The following ANKS1B variants were observed in gnomAD, a reference collection of about 807,000 sequenced individuals.
ANKS1B encodes the protein ankyrin repeat and sterile alpha motif domain containing 1B.
In ANKS1B, 36 loss-of-function variants were observed where a neutral mutation model predicts 148.3. The ratio of observed to expected loss-of-function variants is 0.24; its 90% CI spans 0.19 to 0.32. The LOEUF is 0.32. ANKS1B is among the 10% of genes least tolerant of loss of function. The pLI is 1.00. For synonymous variants in ANKS1B, 542 were observed against 560.8 expected, an observed-to-expected ratio of 0.97 and a Z score of 0.47; for missense variants, 1,157 against 1,542.6, an observed-to-expected ratio of 0.75 and a Z score of 4.19.
At chr12:99,519,348 C>T (rs1333869859) in intron 9 of ANKS1B, among the ~76,000 whole-genome samples, 1 of 152,026 alleles carries the variant, frequency 6.6e-6, no homozygotes, top group Non-Finnish European at 1.5e-5. Flanking sequence ...TGTATTAAGG[C>T]CTATCTGTCT....
intron 1 of ANKS1B, among the ~76,000 whole-genome samples, chr12:99,832,386 G>A (rs1009481128): frequency 5.9e-5 from 9 of 152,072 alleles, no homozygotes; most frequent in East Asian, 1.9e-4. Context: ...TCAGGAGATC[G>A]AGACCAGCCT....
At chr12:98,934,629 T>G (rs2099816775) in intron 17 of ANKS1B, among the ~76,000 whole-genome samples, 1 of 152,126 alleles carries the variant, frequency 6.6e-6, no homozygotes, top group South Asian at 2.1e-4. Flanking sequence ...TGTTTGTTTC[T>G]TGTTTTATTT....
intron 1 of ANKS1B, among the ~76,000 whole-genome samples, chr12:99,958,759 T>C (rs1460352488): frequency 6.6e-6 from 1 of 152,110 alleles, no homozygotes; most frequent in East Asian, 1.9e-4. Context: ...GAAGGACTGT[T>C]ATTGGAAGTG....
At chr12:99,536,875 C>G (rs563832437) in intron 9 of ANKS1B, among the ~76,000 whole-genome samples, 11 of 152,192 alleles carry the variant, frequency 7.2e-5, no homozygotes, top group Middle Eastern at 3.4e-3. Context: ...TACTTTTGTA[C>G]CCATTAACCC....
At chr12:99,859,352 TG>T (rs2089687889) in intron 1 of ANKS1B, among the ~76,000 whole-genome samples, 1 of 152,222 alleles carries the variant, frequency 6.6e-6, no homozygotes, top group Admixed American at 6.5e-5. Context: ...GCAAATCCAC[TG>T]AGTGGTGTTC....
At chr12:99,928,460 A>G (rs1603462574) in intron 1 of ANKS1B, among the ~76,000 whole-genome samples, 1 of 151,074 alleles carries the variant, frequency 6.6e-6, no homozygotes, top group African/African-American at 2.4e-5. Flanking sequence ...TTGTATTTTT[A>G]GTAGAGACGG....
chr12:99,203,082 C>A (rs971568117), intron 14 of ANKS1B, among the ~76,000 whole-genome samples: 1 of 152,218 alleles, frequency 6.6e-6, no homozygotes, highest in African/African-American at 2.4e-5. Context: ...GGAAACCACA[C>A]AGGAATGTGA....
chr12:99,358,544 T>C (rs1199686213), intron 12 of ANKS1B, among the ~76,000 whole-genome samples: 2 of 152,046 alleles, frequency 1.3e-5, no homozygotes, highest in East Asian at 1.9e-4. Context: ...TCATATTTAG[T>C]AGGGTCTTTA....
chr12:99,154,965 C>T (rs2075832597), intron 14 of ANKS1B: 5 of 1,535,326 alleles, frequency 3.3e-6, no homozygotes, highest in Non-Finnish European at 4.4e-6. Flanking sequence ...CTTCCTCCTA[C>T]ACACCCATCC....
At chr12:99,637,915 A>G (rs2098257193) in intron 9 of ANKS1B, among the ~76,000 whole-genome samples, 1 of 151,798 alleles carries the variant, frequency 6.6e-6, no homozygotes, top group Non-Finnish European at 1.5e-5. Context: ...CCCTCTAGAC[A>G]ACCCTAATAC....
rs1196013915 is a variant in ANKS1B at position 99,894,329 on chromosome 12, G to GAGGGAGGGAGGA, written c.135-68941_135-68940insTCCTCCCTCCCT. Reference sequence around the variant, plus strand: ...GGAGGGAGGGAGGGAGGGAGGGAGGGAAAGAAAAGAAAAGAAAAGAAAAAA... The same window carrying GAGGGAGGGAGGA: ...GGAGGGAGGGAGGGAGGGAGGGAGGGAGGGAGGGAGGAAAAGAAAAGAAAAGAAAAGAAAAAA... On this transcript the variant is annotated intron_variant, in intron 1 of 26. Transcript: ENST00000683438. 4.5e-4 allele frequency among the ~76,000 whole-genome samples: 35 copies of GAGGGAGGGAGGA among 78,110 alleles called. 1 individual carries two copies. The highest frequency in any genetic ancestry group is 9.1e-4 in the African/African-American group (18 of 19,712). The allele number at this position is 78,110 out of a possible 152,430, so 51.2% of individuals were successfully genotyped here. A position where few individuals can be genotyped will look rare whatever the true frequency, so the allele number is the denominator to read the frequency against.
rs182617447 is a variant in ANKS1B at position 99,272,941 on chromosome 12, G to A, written c.1757-26077C>T. On this transcript the variant is annotated intron_variant, in intron 12 of 26. Coordinates refer to ENST00000683438, the MANE Select transcript of ANKS1B (RefSeq NM_001352186.2). ...ATTACTGACCCTACCAATATCTCTG[G>A]ATCATGCTACATTTGGAGAATAATA... Among the ~76,000 whole-genome samples the A allele has an allele frequency of 2.0e-3, 298 of 152,166 alleles. 2 individuals are homozygous for A. Among genetic ancestry groups the A allele is most frequent in the African/African-American group, 6.9e-3 (287 of 41,484 alleles).
intron 8 of ANKS1B, among the ~76,000 whole-genome samples, chr12:99,740,246 A>C (rs2059964938): frequency 6.6e-6 from 1 of 152,110 alleles, no homozygotes; most frequent in Non-Finnish European, 1.5e-5. Flanking sequence ...GGAAGTTGAA[A>C]CTAGAGTGAT....
At chr12:99,808,537 CCTT>C (rs923859592) in intron 3 of ANKS1B, among the ~76,000 whole-genome samples, 1 of 152,024 alleles carries the variant, frequency 6.6e-6, no homozygotes, top group African/African-American at 2.4e-5. Flanking sequence ...TGTCAGGAGT[CCTT>C]CTTTACTTGG....
At chr12:99,559,798 G>GGT (rs948570426) in intron 9 of ANKS1B, among the ~76,000 whole-genome samples, 1 of 152,124 alleles carries the variant, frequency 6.6e-6, no homozygotes, top group Admixed American at 6.5e-5. Context: ...CTCTGTGGAT[G>GGT]GTGAAGATAA....
chr12:99,137,320 A>G (rs2068470490), intron 15 of ANKS1B, among the ~76,000 whole-genome samples: 2 of 152,188 alleles, frequency 1.3e-5, no homozygotes, highest in African/African-American at 4.8e-5. Flanking sequence ...AGGCCTTGTC[A>G]GGCAGCACAG....
intron 17 of ANKS1B, among the ~76,000 whole-genome samples, chr12:98,879,679 T>C (rs1343894988): frequency 6.6e-6 from 1 of 152,158 alleles, no homozygotes; most frequent in Non-Finnish European, 1.5e-5. Context: ...TCTTTGACAG[T>C]GTCTGCAAGT....
chr12:99,457,022 T>A (rs1318356107), intron 10 of ANKS1B, among the ~76,000 whole-genome samples: 2 of 152,148 alleles, frequency 1.3e-5, no homozygotes, highest in African/African-American at 4.8e-5. Context: ...AAGCATCAGA[T>A]AACCTATAAA....
At chr12:99,040,269 CGTGTGCGTGTGT>C (rs930234709) in intron 17 of ANKS1B, among the ~76,000 whole-genome samples, 5 of 151,122 alleles carry the variant, frequency 3.3e-5, no homozygotes, top group Admixed American at 1.3e-4. Flanking sequence ...TCTCTATGTG[CGTGTGCGTGTGT>C]GTGTGTGTGT....
Sources: allele counts gnomAD v4.1 joint callset (sites outside exome capture counted in the v4.1 genomes callset), GRCh38; gene constraint gnomAD v4.1.1; transcripts MANE v1.5; gene names NCBI Gene and HGNC (gene_info 2026-07-23, HGNC 2026-07-21).